CAMTA1: variants seen among roughly 807,000 people sequenced by gnomAD.
CAMTA1 encodes the protein calmodulin binding transcription activator 1.
A neutral mutation model predicts 170.9 loss-of-function variants in CAMTA1; 27 were observed. The ratio of observed to expected loss-of-function variants is 0.16; its 90% confidence interval spans 0.12 to 0.22. The LOEUF is 0.22. CAMTA1 is among the 10% of genes least tolerant of loss of function. The pLI is 1.00. For synonymous variants in CAMTA1, 833 were observed against 891.5 expected, an observed-to-expected ratio of 0.93 and a Z score of 1.17; for missense variants, 1,619 against 2,217.2, an observed-to-expected ratio of 0.73 and a Z score of 5.42.
At position 6,812,697 on chromosome 1, in the gene CAMTA1, A is replaced by G. The variant is rs924516680; in HGVS notation, c.46-7484A>G. Among the ~76,000 whole-genome samples the G allele has an allele frequency of 5.3e-5, 8 of 152,212 alleles. No homozygotes were observed. In the East Asian group the frequency reaches 7.7e-4, roughly 15 times the overall value. On this transcript the variant is annotated intron_variant, in intron 1 of 22. Coordinates refer to ENST00000303635, the MANE Select transcript of CAMTA1 (RefSeq NM_015215.4). The stretch of plus-strand genomic sequence containing the variant: ...GAAAATTCTAATGATACTGTGATTC[A>G]TATCTAGAAAGAATAATTTAAAAAA...
chr1:7,125,695 G>A (rs1038074549), intron 4 of CAMTA1, among the ~76,000 whole-genome samples: 2 of 152,166 alleles, frequency 1.3e-5, no homozygotes, highest in African/African-American at 4.8e-5. Context: ...ACTGGGGGCT[G>A]GCGGTTCAGC....
At chr1:7,147,345 A>G (rs1646261274) in intron 4 of CAMTA1, among the ~76,000 whole-genome samples, 1 of 151,392 alleles carries the variant, frequency 6.6e-6, no homozygotes, top group Non-Finnish European at 1.5e-5. Context: ...AATGGCGTGA[A>G]CCCGGGAGGT....
At chr1:7,261,520 T>C (rs1668166837) in intron 5 of CAMTA1, among the ~76,000 whole-genome samples, 1 of 152,218 alleles carries the variant, frequency 6.6e-6, no homozygotes, top group African/African-American at 2.4e-5. Context: ...TGTAGAATGT[T>C]ACCCTGAACC....
intron 4 of CAMTA1, among the ~76,000 whole-genome samples, chr1:7,121,088 T>G (rs1257936973): frequency 2.6e-5 from 4 of 152,068 alleles, no homozygotes; most frequent in Admixed American, 2.6e-4. Context: ...TGGAGGAAAA[T>G]AAAATCTTCC....
intron 3 of CAMTA1, among the ~76,000 whole-genome samples, chr1:6,895,213 G>A (rs1190871554): frequency 1.3e-5 from 2 of 152,198 alleles, no homozygotes; most frequent in Non-Finnish European, 2.9e-5. Flanking sequence ...GAGCATGGAA[G>A]AATATTTATG....
intron 3 of CAMTA1, among the ~76,000 whole-genome samples, chr1:6,937,159 G>A (rs199892794): frequency 6.3e-4 from 75 of 119,878 alleles, no homozygotes; most frequent in African/African-American, 2.1e-3. Context: ...CATCATCACC[G>A]TCATCACCAC....
At chr1:7,353,438 T>TG (rs201519266) in intron 5 of CAMTA1, among the ~76,000 whole-genome samples, 2,092 of 151,220 alleles carry the variant, frequency 0.014, 54 homozygotes, top group African/African-American at 0.047. Context: ...TCTCTTTTTT[T>TG]TTTTGAGACG....
chr1:6,791,146 A>T, intron 1 of CAMTA1, among the ~76,000 whole-genome samples: 1 of 141,630 alleles, frequency 7.1e-6, no homozygotes. Flanking sequence ...GTTCTAGGTG[A>T]CTTAAATCCG....
intron 6 of CAMTA1, among the ~76,000 whole-genome samples, chr1:7,577,206 T>C (rs2150368306): frequency 6.6e-6 from 1 of 152,304 alleles, no homozygotes; most frequent in South Asian, 2.1e-4. Context: ...GTTCCTCAGA[T>C]CCCTGTCACC....
chr1:7,484,512 G>A (rs763731502), intron 6 of CAMTA1, among the ~76,000 whole-genome samples: 9 of 152,262 alleles, frequency 5.9e-5, no homozygotes, highest in Admixed American at 2.6e-4. Flanking sequence ...AATCGTGGCC[G>A]GGCACGGTGG....
At chr1:7,218,471 G>A (rs538303173) in intron 4 of CAMTA1, among the ~76,000 whole-genome samples, 122 of 152,068 alleles carry the variant, frequency 8.0e-4, no homozygotes, top group African/African-American at 2.7e-3. Context: ...ACTGGTTTTT[G>A]GGGGAGGGGC....
chr1:7,743,606 G>A (rs1473843400), intron 16 of CAMTA1, among the ~76,000 whole-genome samples: 1 of 152,086 alleles, frequency 6.6e-6, no homozygotes, highest in South Asian at 2.1e-4. Flanking sequence ...CCACTTAGCA[G>A]GATGTTGTTG....
rs1276934479 is a variant in CAMTA1, at chr1:7,570,886, G to C, written c.511-69514G>C. Among the ~76,000 whole-genome samples the C allele has an allele frequency of 6.6e-6, 1 of 152,202 alleles. No homozygotes were observed. The highest frequency in any genetic ancestry group is 6.5e-5 in the Admixed American group (1 of 15,288). On this transcript the variant is annotated intron_variant, in intron 6 of 22. Transcript: ENST00000303635. This position sits in a 1 kb window ranked among gnomAD's most constrained non-coding sequence, Gnocchi z 4.3. ...GGCCTCCCCCATGAACCAGCTGGGT[G>C]ATGTCAGGAGGCTCCTTAACCACTC...
intron 16 of CAMTA1, among the ~76,000 whole-genome samples, chr1:7,739,351 C>G (rs967090326): frequency 2.6e-5 from 4 of 152,172 alleles, no homozygotes; most frequent in Non-Finnish European, 4.4e-5. Flanking sequence ...CATTCCTGCT[C>G]ATTGCATCCC....
intron 6 of CAMTA1, among the ~76,000 whole-genome samples, chr1:7,495,660 C>T (rs892222729): frequency 6.6e-6 from 1 of 152,218 alleles, no homozygotes; most frequent in African/African-American, 2.4e-5. Flanking sequence ...ACTTTGCCTT[C>T]TTCCAGGCAA....
chr1:7,576,984 T>G (rs924714623), intron 6 of CAMTA1, among the ~76,000 whole-genome samples: 2 of 152,220 alleles, frequency 1.3e-5, no homozygotes, highest in Admixed American at 6.5e-5. Flanking sequence ...GAATAGGTAC[T>G]CAATAGATGC....
chr1:7,631,838 C>T (rs1056162749), intron 6 of CAMTA1, among the ~76,000 whole-genome samples: 3 of 152,192 alleles, frequency 2.0e-5, no homozygotes, highest in African/African-American at 7.2e-5. Flanking sequence ...CCCAAGCCTG[C>T]CAAGGCCTTC....
intron 4 of CAMTA1, among the ~76,000 whole-genome samples, chr1:7,159,417 G>C (rs1232579755): frequency 1.3e-5 from 2 of 151,982 alleles, no homozygotes; most frequent in East Asian, 3.9e-4. Context: ...CCAAACAGAA[G>C]ACAGGAAATC....
intron 5 of CAMTA1, among the ~76,000 whole-genome samples, chr1:7,440,551 G>A (rs1270622458): frequency 6.6e-6 from 1 of 152,238 alleles, no homozygotes; most frequent in Non-Finnish European, 1.5e-5. Context: ...CTGTGTAGCA[G>A]CTATCACAAA....
Sources: allele counts gnomAD v4.1 joint callset (sites outside exome capture counted in the v4.1 genomes callset), GRCh38; gene constraint gnomAD v4.1.1; non-coding constraint Gnocchi (gnomAD v3.1); transcripts MANE v1.5; gene names NCBI Gene and HGNC (gene_info 2026-07-23, HGNC 2026-07-21).